Variants in SMYD3 observed in about 807,000 individuals in gnomAD.
The protein encoded by SMYD3 is histone-lysine N-methyltransferase SMYD3.
SMYD3 carries 36 observed loss-of-function variants against 57.7 expected under a neutral mutation model. That is an observed-to-expected ratio of 0.62 (90% CI 0.48 to 0.82). The LOEUF (loss-of-function observed/expected upper bound fraction) is 0.82. Among genes scored for constraint, SMYD3 ranks in the 40% least tolerant of loss-of-function variants. The pLI, the probability that SMYD3 is intolerant of heterozygous loss-of-function variation, is 0.00. For missense variants in SMYD3, 515 were observed against 538.8 expected, an observed-to-expected ratio of 0.96 and a Z score of 0.44; for synonymous variants, 211 against 195.0, an observed-to-expected ratio of 1.08 and a Z score of -0.68.
chr1:246,470,155 C>T (rs943339764), intron 1 of SMYD3, among the ~76,000 whole-genome samples: 1 of 152,030 alleles, frequency 6.6e-6, no homozygotes, highest in Non-Finnish European at 1.5e-5. Flanking sequence ...AGGAACTACT[C>T]CAGATTAATG....
At chr1:245,781,233 T>TA (rs2046814639) in intron 10 of SMYD3, among the ~76,000 whole-genome samples, 4 of 152,234 alleles carry the variant, frequency 2.6e-5, no homozygotes, top group Admixed American at 1.3e-4. Context: ...TTGAATTTTA[T>TA]GATATGTAAA....
chr1:245,948,415 G>C (rs2057499361), intron 5 of SMYD3, among the ~76,000 whole-genome samples: 1 of 152,148 alleles, frequency 6.6e-6, no homozygotes, highest in Non-Finnish European at 1.5e-5. Context: ...GAGAGAGTAA[G>C]TGAGAGATGC....
intron 1 of SMYD3, among the ~76,000 whole-genome samples, chr1:246,485,663 C>G (rs115927258): frequency 1.5e-4 from 23 of 151,672 alleles, no homozygotes; most frequent in Non-Finnish European, 3.1e-4. Flanking sequence ...GGTGGTGGTT[C>G]GTGCCTGTAG....
rs79456650 is a variant in SMYD3, at chr1:246,218,480, A to T, written c.531+108721T>A. On this transcript the variant is annotated intron_variant, in intron 5 of 11. Transcript: ENST00000490107. ...CTACTAAAAATACAAAAAATTAGCC[A>T]GGGGGTGGCGGGCGGCTGTAGTCCC... Among the ~76,000 whole-genome samples the T allele has an allele frequency of 0.022, 3,407 of 152,102 alleles. 240 individuals are homozygous for T. The East Asian group carries it at 0.24, about 11-fold the overall frequency.
intron 5 of SMYD3, among the ~76,000 whole-genome samples, chr1:246,182,933 C>T (rs373006405): frequency 3.3e-5 from 5 of 152,260 alleles, no homozygotes; most frequent in African/African-American, 1.2e-4. Flanking sequence ...AACTGAGCCC[C>T]TAAGTACAAA....
chr1:246,051,788 G>T (rs2148328462), intron 5 of SMYD3, among the ~76,000 whole-genome samples: 1 of 152,182 alleles, frequency 6.6e-6, no homozygotes, highest in South Asian at 2.1e-4. Flanking sequence ...TTCCCAAATG[G>T]TACTCTCCCC....
intron 5 of SMYD3, among the ~76,000 whole-genome samples, chr1:246,100,969 A>G (rs369201691): frequency 6.6e-6 from 1 of 152,102 alleles, no homozygotes; most frequent in East Asian, 1.9e-4. Flanking sequence ...TCACTGCAGC[A>G]AAGAAATGAT....
At chr1:246,284,652 G>A (rs1056227813) in intron 5 of SMYD3, among the ~76,000 whole-genome samples, 8 of 151,914 alleles carry the variant, frequency 5.3e-5, no homozygotes, top group African/African-American at 9.7e-5. Context: ...TCCTGACCTC[G>A]TGATCCGCCC....
intron 10 of SMYD3, among the ~76,000 whole-genome samples, chr1:245,820,683 C>G (rs559376038): frequency 6.6e-6 from 1 of 152,226 alleles, no homozygotes; most frequent in South Asian, 2.1e-4. Context: ...AGCTGATAAG[C>G]AACTTCAGCA....
intron 1 of SMYD3, among the ~76,000 whole-genome samples, chr1:246,499,729 T>C (rs780979485): frequency 3.9e-5 from 6 of 152,156 alleles, no homozygotes; most frequent in Non-Finnish European, 7.4e-5. Flanking sequence ...GTGCTGGAAT[T>C]ACAGGTGTGA....
Position 246,163,274 on chromosome 1 carries a change from G to T in SMYD3, c.531+163927C>A, listed in dbSNP as rs565643644. Among the ~76,000 whole-genome samples the T allele has an allele frequency of 7.2e-5, 11 of 152,286 alleles. No individual in the cohort carries two copies. In the East Asian group the frequency reaches 2.1e-3, roughly 29 times the overall value. ...TTGCCTTGATTTTATAAAAAGAAAT[G>T]ACCTTGAAAATAATTAAGCATATCA... On this transcript the variant is annotated intron_variant, in intron 5 of 11. Transcript: ENST00000490107.
intron 8 of SMYD3, among the ~76,000 whole-genome samples, chr1:245,912,272 C>A (rs553685043): frequency 2.8e-4 from 42 of 151,804 alleles, no homozygotes; most frequent in African/African-American, 5.1e-4. Flanking sequence ...ACCCACCCCC[C>A]AAAAAAAGAC....
At chr1:246,334,887 G>A (rs2065516042) in intron 3 of SMYD3, among the ~76,000 whole-genome samples, 1 of 152,154 alleles carries the variant, frequency 6.6e-6, no homozygotes, top group African/African-American at 2.4e-5. Context: ...ACCTACTCCT[G>A]GTGAAGAAGC....
chr1:245,850,693 C>A (rs1273458748), intron 10 of SMYD3, among the ~76,000 whole-genome samples: 1 of 152,130 alleles, frequency 6.6e-6, no homozygotes, highest in Non-Finnish European at 1.5e-5. Context: ...AGAGCAAGAC[C>A]CTGTGTCTCA....
chr1:246,237,123 G>T (rs368314251), intron 5 of SMYD3, among the ~76,000 whole-genome samples: 1 of 152,144 alleles, frequency 6.6e-6, no homozygotes, highest in South Asian at 2.1e-4. Flanking sequence ...ATTAATTCTT[G>T]TCATAGAAAC....
rs986664978 is a variant in SMYD3 at position 246,452,589 on chromosome 1, T to A, written c.164+54465A>T. Among the ~76,000 whole-genome samples the A allele has an allele frequency of 2.0e-5, 3 of 152,166 alleles. No homozygotes were observed. In the East Asian group the frequency reaches 5.8e-4, roughly 29 times the overall value. Reference sequence around the variant, plus strand: ...AATGAGAACTCATAAATGCACTAAATGAAGGATAGGCTATAGGCACAACTG... The same window carrying A: ...AATGAGAACTCATAAATGCACTAAAAGAAGGATAGGCTATAGGCACAACTG... On this transcript the variant is annotated intron_variant, in intron 1 of 11. Transcript: ENST00000490107.
At chr1:245,956,072 T>C (rs2057831868) in intron 5 of SMYD3, 1 of 981,972 alleles carries the variant, frequency 1.0e-6, no homozygotes, top group African/African-American at 1.7e-5. Flanking sequence ...TACAAATAGA[T>C]AACATTATTT....
intron 5 of SMYD3, among the ~76,000 whole-genome samples, chr1:246,066,439 T>C (rs759764737): frequency 1.3e-5 from 2 of 151,874 alleles, no homozygotes; most frequent in Non-Finnish European, 2.9e-5. Flanking sequence ...ACAATTCTTA[T>C]TTTTCAAATT....
rs565896068 is a variant in SMYD3, at chr1:246,496,033, G to T, written c.164+11021C>A. On this transcript the variant is annotated intron_variant, in intron 1 of 11. Transcript: ENST00000490107. ...ATTTTCGTCAGTTTCTTGATTTTTT[G>T]TTGTTGTTGTTGTTATTGTTTTGAT... is the stretch of plus-strand genomic sequence containing the variant. Among the ~76,000 whole-genome samples, 21 of 151,418 alleles carry T rather than the reference G, an allele frequency of 1.4e-4. No homozygotes were observed. In the East Asian group the frequency reaches 3.3e-3, roughly 24 times the overall value.
Sources: allele counts gnomAD v4.1 joint callset (sites outside exome capture counted in the v4.1 genomes callset), GRCh38; gene constraint gnomAD v4.1.1; transcripts MANE v1.5; gene names NCBI Gene and HGNC (gene_info 2026-07-23, HGNC 2026-07-21).